Variants in C12orf42 observed in about 807,000 individuals in gnomAD.
C12orf42 encodes uncharacterized protein C12orf42.
In C12orf42, 25 loss-of-function variants were observed where a neutral mutation model predicts 21.6. The ratio of observed to expected loss-of-function variants is 1.16; its 90% confidence interval spans 0.84 to 1.62. The LOEUF is 1.62. Among genes scored for constraint, C12orf42 ranks in the 40% most tolerant of loss-of-function variants. C12orf42 has a pLI of 0.00. For missense variants in C12orf42, 483 were observed against 459.3 expected (o/e 1.05, Z -0.47); for synonymous variants, 174 against 175.0 (o/e 0.99, Z 0.05).
chr12:103,303,129 A>T (rs80334308), intron 5 of C12orf42, among the ~76,000 whole-genome samples: 5,885 of 152,240 alleles, frequency 0.039, 380 homozygotes, highest in African/African-American at 0.13. Context: ...CATCACACAC[A>T]CATATCCACT....
intron 4 of C12orf42, among the ~76,000 whole-genome samples, chr12:103,329,754 G>A (rs971193809): frequency 6.6e-6 from 1 of 151,938 alleles, no homozygotes; most frequent in East Asian, 1.9e-4. Context: ...CAAGGAAAAG[G>A]GGGGAAAAGT....
At chr12:103,551,580 G>A in the C12orf42 span, among the ~76,000 whole-genome samples, 1 of 152,288 alleles carries the variant, frequency 6.6e-6, no homozygotes, top group South Asian at 2.1e-4. Flanking sequence ...ACTTTGGGAG[G>A]CCAAGGCAGA....
At chr12:103,342,774 G>A (rs188679125) in intron 4 of C12orf42, among the ~76,000 whole-genome samples, 160 of 150,896 alleles carry the variant, frequency 1.1e-3, no homozygotes, top group Middle Eastern at 3.4e-3. Flanking sequence ...GAGCAATTAC[G>A]TCAGTTTCTG....
chr12:103,366,208 T>C (rs757182002), intron 4 of C12orf42, among the ~76,000 whole-genome samples: 3 of 151,816 alleles, frequency 2.0e-5, no homozygotes, highest in Non-Finnish European at 4.4e-5. Flanking sequence ...AAACATAAAG[T>C]GAGGAAAGGA....
At chr12:103,120,557 G>C in the C12orf42 span, among the ~76,000 whole-genome samples, 1 of 151,956 alleles carries the variant, frequency 6.6e-6, no homozygotes, top group African/African-American at 2.4e-5. Context: ...TCAATTGCTT[G>C]ACTTAAGGAA....
the C12orf42 span, among the ~76,000 whole-genome samples, chr12:103,512,727 G>A: frequency 2.0e-5 from 3 of 152,314 alleles, no homozygotes; most frequent in East Asian, 5.8e-4. Flanking sequence ...GAGTAGGCTG[G>A]CTGCAGTGGC....
the C12orf42 span, among the ~76,000 whole-genome samples, chr12:103,060,504 G>T: frequency 6.6e-6 from 1 of 152,132 alleles, no homozygotes; most frequent in Non-Finnish European, 1.5e-5. Flanking sequence ...CTAAAAAAGA[G>T]CTCATGCAGC....
At chr12:103,293,739 C>A (rs183090854) in intron 4 of C12orf42, among the ~76,000 whole-genome samples, 120 of 152,194 alleles carry the variant, frequency 7.9e-4, no homozygotes, top group African/African-American at 2.7e-3. Flanking sequence ...GGGTCCAAGG[C>A]AGAACTATAT....
At chr12:103,557,422 C>T in the C12orf42 span, 4 of 152,190 alleles carry the variant, frequency 2.6e-5, no homozygotes, top group Non-Finnish European at 2.9e-5. Context: ...ATATTGTTGT[C>T]CAGGCCACAC....
At chr12:103,074,798 C>T in the C12orf42 span, among the ~76,000 whole-genome samples, 2 of 152,108 alleles carry the variant, frequency 1.3e-5, no homozygotes, top group Admixed American at 6.6e-5. Flanking sequence ...ATAGATTGAA[C>T]ATTCACTCGG....
chr12:103,087,759 T>C, the C12orf42 span, among the ~76,000 whole-genome samples: 3 of 152,232 alleles, frequency 2.0e-5, no homozygotes, highest in Non-Finnish European at 4.4e-5. Flanking sequence ...GAGGGAAAGT[T>C]TATTAGGCTA....
At chr12:103,239,687 T>C (rs1239837257) in intron 10 of C12orf42, among the ~76,000 whole-genome samples, 1 of 152,148 alleles carries the variant, frequency 6.6e-6, no homozygotes, top group Non-Finnish European at 1.5e-5. Flanking sequence ...TTCAATCAGC[T>C]GTTGAGGGGG....
At chr12:103,071,653 C>T in the C12orf42 span, among the ~76,000 whole-genome samples, 1 of 152,054 alleles carries the variant, frequency 6.6e-6, no homozygotes, top group East Asian at 1.9e-4. Context: ...TGGGAGTTCC[C>T]CTGAATAAGC....
At chr12:103,368,008 T>A in intron 4 of C12orf42, 2 of 1,201,228 alleles carry the variant, frequency 1.7e-6, no homozygotes, top group South Asian at 2.6e-5. Flanking sequence ...AATGTAGCAG[T>A]TACCTGCTTT....
the C12orf42 span, among the ~76,000 whole-genome samples, chr12:103,143,749 T>C: frequency 6.6e-6 from 1 of 152,190 alleles, no homozygotes; most frequent in African/African-American, 2.4e-5. Context: ...CACAGGACTG[T>C]TTGGGGAAAT....
intron 10 of C12orf42, among the ~76,000 whole-genome samples, chr12:103,240,599 T>G (rs2033688202): frequency 6.6e-6 from 1 of 152,176 alleles, no homozygotes; most frequent in African/African-American, 2.4e-5. Flanking sequence ...AGTTGGAGTC[T>G]TTATTTAATG....
chr12:103,275,557 A>G (rs972321619), intron 5 of C12orf42, among the ~76,000 whole-genome samples: 3 of 152,306 alleles, frequency 2.0e-5, no homozygotes, highest in East Asian at 1.9e-4. Context: ...ACACAGAGAA[A>G]TAAGAAAAGC....
intron 3 of C12orf42, among the ~76,000 whole-genome samples, chr12:103,393,411 G>A (rs1162539015): frequency 6.6e-6 from 1 of 152,066 alleles, no homozygotes; most frequent in East Asian, 1.9e-4. Context: ...AAGCGATGAG[G>A]GATCCACGTC....
the C12orf42 span, among the ~76,000 whole-genome samples, chr12:103,190,444 C>T: frequency 1.3e-5 from 2 of 152,122 alleles, no homozygotes; most frequent in Admixed American, 6.5e-5. Context: ...CTTCACCAGC[C>T]ATCAAGGCAT....
Sources: allele counts gnomAD v4.1 joint callset (sites outside exome capture counted in the v4.1 genomes callset), GRCh38; gene constraint gnomAD v4.1.1; transcripts MANE v1.5; gene names NCBI Gene and HGNC (gene_info 2026-07-23, HGNC 2026-07-21).